Variants in ARFGEF3 observed in about 807,000 individuals in gnomAD.
ARFGEF3 encodes the protein brefeldin A-inhibited guanine nucleotide-exchange protein 3.
In ARFGEF3, 96 loss-of-function variants were observed where a neutral mutation model predicts 221.7. The ratio of observed to expected loss-of-function variants is 0.43; its 90% CI spans 0.37 to 0.51. The LOEUF is 0.51. Among genes scored for constraint, ARFGEF3 ranks in the 20% least tolerant of loss-of-function variants. ARFGEF3 has a pLI of 0.00. For missense variants in ARFGEF3, 2,410 were observed against 2,789.9 expected (o/e 0.86, Z 3.07); for synonymous variants, 1,145 against 1,126.8 (o/e 1.02, Z -0.32).
At chr6:138,281,514 G>A (rs746670110) in intron 14 of ARFGEF3, among the ~76,000 whole-genome samples, 10 of 152,110 alleles carry the variant, frequency 6.6e-5, no homozygotes, top group Admixed American at 1.3e-4. Context: ...CCGTCTGGAC[G>A]TCCATGAGTA....
At chr6:138,320,946 G>A (rs3736709) in intron 28 of ARFGEF3, among the ~76,000 whole-genome samples, 165 bp from the exon 29 acceptor site, 2 of 1,908 alleles carry the variant, frequency 1.0e-3, no homozygotes, top group African/African-American at 0.02. Flanking sequence ...GGGTTTTGGC[G>A]GGGGGGGGCA....
intron 2 of ARFGEF3, among the ~76,000 whole-genome samples, chr6:138,171,056 C>T (rs1776819822): frequency 6.7e-6 from 1 of 148,630 alleles, no homozygotes; most frequent in Non-Finnish European, 1.5e-5. Flanking sequence ...ATTCATGGAG[C>T]AGAGCCCTCA....
intron 4 of ARFGEF3, among the ~76,000 whole-genome samples, chr6:138,224,465 T>C (rs193074838): frequency 6.6e-6 from 1 of 152,368 alleles, no homozygotes; most frequent in East Asian, 1.9e-4. Context: ...CACCTGGATC[T>C]GACATTCAGG....
At chr6:138,312,295 C>A (rs530360539) in intron 25 of ARFGEF3, among the ~76,000 whole-genome samples, 1 of 152,108 alleles carries the variant, frequency 6.6e-6, no homozygotes, top group African/African-American at 2.4e-5. Context: ...CAGTGACACC[C>A]CTCTCTCAAT....
In ARFGEF3 at chr6:138,328,391, C is replaced by T. The variant is rs368767218; in HGVS notation, c.5123+249C>T. Among the ~76,000 whole-genome samples the T allele has an allele frequency of 4.6e-3, 696 of 152,260 alleles. 5 individuals carry two copies. Among genetic ancestry groups the T allele is most frequent in the African/African-American group, 0.016 (659 of 41,548 alleles). ...TGACTCAAACAGCAGAACCATATAT[C>T]CCACATTTCTGGTGCCTAGAAGTCA... On this transcript the variant is annotated intron_variant, in intron 32 of 33. Transcript: ENST00000251691.
chr6:138,273,554 A>G (rs1002138190), intron 12 of ARFGEF3, among the ~76,000 whole-genome samples: 12 of 152,244 alleles, frequency 7.9e-5, no homozygotes, highest in African/African-American at 2.9e-4. Flanking sequence ...AAGAATGGAA[A>G]ATAGAGTATC....
chr6:138,315,341 CCTT>C (rs1779904470), intron 26 of ARFGEF3, among the ~76,000 whole-genome samples: 1 of 152,180 alleles, frequency 6.6e-6, no homozygotes, highest in African/African-American at 2.4e-5. Context: ...CATGCTCACA[CCTT>C]CTGTCTTCTG....
chr6:138,308,143 C>T (rs1779760199), intron 23 of ARFGEF3, among the ~76,000 whole-genome samples: 1 of 152,164 alleles, frequency 6.6e-6, no homozygotes, highest in Admixed American at 6.5e-5. Context: ...CTTTGCCTAG[C>T]ACATTACCAA....
chr6:138,198,546 A>C (rs1777474280), intron 2 of ARFGEF3, among the ~76,000 whole-genome samples: 1 of 152,232 alleles, frequency 6.6e-6, no homozygotes, highest in Admixed American at 6.5e-5. Context: ...TTAAATGTAA[A>C]GGACCCATAT....
rs1424815016 is a variant in ARFGEF3 at position 138,229,767 on chromosome 6, C to G, written c.352-17C>G. On this transcript the variant is annotated splice_polypyrimidine_tract_variant and intron_variant, in intron 4 of 33. Coordinates refer to ENST00000251691, the MANE Select transcript of ARFGEF3 (RefSeq NM_020340.5). Reference sequence around the variant, plus strand: ...GTTAACCCCTTGTCTCTTCTTTCATCTCTCACCTTGTTAAAGGTTTTACTA... The same window carrying G: ...GTTAACCCCTTGTCTCTTCTTTCATGTCTCACCTTGTTAAAGGTTTTACTA... The G allele has an allele frequency of 6.2e-7, 1 of 1,604,728 alleles. No individual in the cohort carries two copies. The highest frequency in any genetic ancestry group is 1.1e-5 in the South Asian group (1 of 90,790).
chr6:138,255,890 G>A, intron 10 of ARFGEF3, 121 bp downstream of exon 10: 4 of 793,774 alleles, frequency 5.0e-6, no homozygotes, highest in Non-Finnish European at 5.8e-6. Flanking sequence ...CTGCCTCATG[G>A]TGTCCAGTAG....
rs151180451 is a variant in ARFGEF3 at position 138,300,561 on chromosome 6, T to C, written c.3828+1776T>C. Among the ~76,000 whole-genome samples the C allele has an allele frequency of 1.3e-3, 195 of 152,312 alleles. 1 individual carries two copies. Among genetic ancestry groups the C allele is most frequent in the African/African-American group, 4.3e-3 (179 of 41,572 alleles). On this transcript the variant is annotated intron_variant, in intron 22 of 33. Transcript: ENST00000251691. ...AATACCCAGAGTAGTCTTCCTGGTA[T>C]TTGAGGCTGTTTTTCCTAAAAATAG... is the stretch of plus-strand genomic sequence containing the variant.
intron 21 of ARFGEF3, 33 bp downstream of exon 21, chr6:138,296,988 C>T (rs780344638): frequency 1.3e-6 from 2 of 1,589,264 alleles, no homozygotes; most frequent in East Asian, 2.2e-5. Flanking sequence ...GAGGCTGGAA[C>T]TGCTAAGTCA....
At chr6:138,250,400 C>T (rs539667457) in intron 8 of ARFGEF3, among the ~76,000 whole-genome samples, 1 of 152,348 alleles carries the variant, frequency 6.6e-6, no homozygotes, top group Non-Finnish European at 1.5e-5. Context: ...ACCACTCTTT[C>T]CCTGCTTCTC....
At chr6:138,231,223 A>G (rs1044195916) in intron 5 of ARFGEF3, among the ~76,000 whole-genome samples, 13 of 152,216 alleles carry the variant, frequency 8.5e-5, no homozygotes, top group African/African-American at 2.9e-4. Flanking sequence ...CACTGAGAGT[A>G]TCTGGAAGCC....
intron 19 of ARFGEF3, 120 bp from the exon 20 acceptor site, chr6:138,293,873 G>A: frequency 1.1e-6 from 1 of 925,600 alleles, no homozygotes; most frequent in Non-Finnish European, 1.7e-6. Context: ...CCATACATTT[G>A]TCTACAGTGT....
intron 12 of ARFGEF3, among the ~76,000 whole-genome samples, chr6:138,269,520 C>T (rs952340013): frequency 2.6e-5 from 4 of 152,138 alleles, no homozygotes; most frequent in African/African-American, 4.8e-5. Context: ...ATAGAAAATG[C>T]AGATGACGGC....
intron 22 of ARFGEF3, among the ~76,000 whole-genome samples, chr6:138,299,360 G>A (rs1400461080): frequency 6.6e-6 from 1 of 151,832 alleles, no homozygotes; most frequent in African/African-American, 2.4e-5. Context: ...TGGTGGAGCT[G>A]GGCTTTGAAC....
chr6:138,328,186 A>G, intron 32 of ARFGEF3, 44 bp downstream of exon 32: 9 of 1,534,320 alleles, frequency 5.9e-6, no homozygotes, highest in Non-Finnish European at 7.9e-6. Context: ...ATAAATAAGA[A>G]TGTTCATTCA....
Sources: allele counts gnomAD v4.1 joint callset (sites outside exome capture counted in the v4.1 genomes callset), GRCh38; gene constraint gnomAD v4.1.1; transcripts MANE v1.5; gene names NCBI Gene and HGNC (gene_info 2026-07-23, HGNC 2026-07-21).